Variants in USP47 observed in about 807,000 individuals in gnomAD.
USP47 encodes the protein ubiquitin carboxyl-terminal hydrolase 47.
USP47 carries 35 observed loss-of-function variants against 165.1 expected under a neutral mutation model. That is an observed-to-expected ratio of 0.21 (90% CI 0.16 to 0.28). The LOEUF is 0.28. Among genes scored for constraint, USP47 ranks in the 10% least tolerant of loss-of-function variants. USP47 has a pLI of 1.00. For missense variants in USP47, 1,277 were observed against 1,607.4 expected, an observed-to-expected ratio of 0.79 and a Z score of 3.52; for synonymous variants, 531 against 544.5, an observed-to-expected ratio of 0.98 and a Z score of 0.35.
chr11:11,954,362 C>A (rs546189074), intron 25 of USP47, among the ~76,000 whole-genome samples: 137 of 152,248 alleles, frequency 9.0e-4, no homozygotes, highest in Non-Finnish European at 1.6e-3. Context: ...CTCCGCCTCC[C>A]GGGTTCAAGT....
chr11:11,925,901 T>A (rs1854208188), intron 11 of USP47, among the ~76,000 whole-genome samples: 1 of 152,150 alleles, frequency 6.6e-6, no homozygotes, highest in South Asian at 2.1e-4. Flanking sequence ...TTTCATTATG[T>A]TGAGGTAATT....
chr11:11,952,968 G>A (rs758209113), intron 25 of USP47, 97 bp downstream of exon 25: 20 of 999,094 alleles, frequency 2.0e-5, no homozygotes, highest in East Asian at 6.4e-5. Flanking sequence ...TTCTTCCTGT[G>A]TTGCGTAAGA....
At chr11:11,863,301 T>A (rs1849487408) in intron 1 of USP47, among the ~76,000 whole-genome samples, 1 of 152,178 alleles carries the variant, frequency 6.6e-6, no homozygotes, top group Non-Finnish European at 1.5e-5. Flanking sequence ...AGAAAAGCAA[T>A]TTGATGCTCA....
rs774546327 is a variant in USP47, at chr11:11,933,110, A to C, written c.1758A>C (p.Thr586=). 9 of 1,612,096 alleles carry C rather than the reference A, an allele frequency of 5.6e-6. No homozygotes were observed. The East Asian group carries it at 1.8e-4, about 32-fold the overall frequency. ...GACAACGAGAAATTGAGCGCAATAC[A>C]TGCAAGGTTGAATTCCATCATTTTA... ...EKRQREIERN[T]CKIKLFCLHP... Residue 586 remains threonine, a synonymous_variant, in exon 15 of 28, where the codon ACA becomes ACC. Transcript: ENST00000527733.
At position 11,880,327 on chromosome 11, in the gene USP47, A is replaced by C; in HGVS notation, c.190A>C (p.Ile64Leu). 7.2e-7 allele frequency: 1 copy of C among 1,381,550 alleles called. No individual in the cohort carries two copies. 85.6% of individuals were successfully genotyped at this position (1,381,550 alleles called of 1,614,324 possible). A position where few individuals can be genotyped will look rare whatever the true frequency, so the allele number is the denominator to read the frequency against. ...AGATGTGGCCAACAAAGTAGGCTAC[A>C]TAAATGGAACCTTTGACTTGGTGTG... ...FEDVANKVGY[I>L]NGTFDLVWGN... Residue 64 changes from isoleucine to leucine, a missense_variant, in exon 2 of 28, where the codon ATA becomes CTA. Physicochemically the swap from Ile to Leu is conservative, Grantham distance 5. Around this residue, in one of 4 missense-constraint regions of USP47, gnomAD observed 181 missense variants for 194.7 expected, o/e 0.93. Coordinates refer to ENST00000527733, the MANE Select transcript of USP47 (RefSeq NM_001282659.2).
chr11:11,943,994 G>C (rs535767715), intron 20 of USP47: 1 of 151,778 alleles, frequency 6.6e-6, no homozygotes, highest in East Asian at 1.9e-4. Flanking sequence ...TGATGTGACA[G>C]GTAAGAAAGC....
Position 11,933,123 on chromosome 11 carries a change from T to C in USP47, c.1764+7T>C. 1 of 1,607,114 alleles carries C rather than the reference T, an allele frequency of 6.2e-7. No homozygotes were observed. The highest frequency in any genetic ancestry group is 1.3e-5 in the African/African-American group (1 of 74,714). ...TGAGCGCAATACATGCAAGGTTGAA[T>C]TCCATCATTTTATTTTTAATTGAAA... On this transcript the variant is annotated splice_region_variant and intron_variant, in intron 15 of 27. Coordinates refer to ENST00000527733, the MANE Select transcript of USP47 (RefSeq NM_001282659.2).
rs1250367382 is a variant in USP47 at position 11,961,719 on chromosome 11, C to T, written c.*5544C>T. ...GAAAAAATTCCAGAAACTCTGGGAG[C>T]CCTCCCCTTACATTTCCTGGGTCAT... On this transcript the variant is annotated 3_prime_UTR_variant, in exon 28 of 28. Coordinates refer to ENST00000527733, the MANE Select transcript of USP47 (RefSeq NM_001282659.2). Among the ~76,000 whole-genome samples the T allele has an allele frequency of 6.6e-6, 1 of 152,238 alleles. No homozygotes were observed. Among genetic ancestry groups the T allele is most frequent in the Non-Finnish European group, 1.5e-5 (1 of 68,034 alleles).
chr11:11,855,231 A>G (rs910811833), intron 1 of USP47, among the ~76,000 whole-genome samples: 1 of 152,262 alleles, frequency 6.6e-6, no homozygotes, highest in East Asian at 1.9e-4. Context: ...TCAATTCACT[A>G]GATTAACACA....
chr11:11,876,483 T>C (rs1401865138), intron 1 of USP47, among the ~76,000 whole-genome samples: 1 of 152,226 alleles, frequency 6.6e-6, no homozygotes, highest in African/African-American at 2.4e-5. Context: ...TAAAGTTTAG[T>C]GACTTAATAG....
intron 24 of USP47, 169 bp from the exon 25 acceptor site, chr11:11,952,572 A>T (rs1856292678): frequency 1.8e-6 from 1 of 551,698 alleles, no homozygotes; most frequent in Non-Finnish European, 2.9e-6. Flanking sequence ...GAAGAGAGTA[A>T]ATATTTCATT....
At chr11:11,937,290 T>G (rs1246269735) in intron 17 of USP47, among the ~76,000 whole-genome samples, 1 of 151,976 alleles carries the variant, frequency 6.6e-6, no homozygotes, top group East Asian at 1.9e-4. Flanking sequence ...CTAACTCCTT[T>G]GCATCAGTGG....
At chr11:11,929,340 G>A in intron 11 of USP47, 94 bp from the exon 12 acceptor site, 1 of 1,499,372 alleles carries the variant, frequency 6.7e-7, no homozygotes, top group Non-Finnish European at 8.9e-7. Context: ...AACTTACCAT[G>A]TTACTTCTCT....
At chr11:11,910,887 A>G (rs190112088) in intron 8 of USP47, among the ~76,000 whole-genome samples, 29 of 152,294 alleles carry the variant, frequency 1.9e-4, no homozygotes, top group African/African-American at 6.3e-4. Flanking sequence ...AGTTTGAGTT[A>G]AAAAAGAAAA....
At chr11:11,912,046 C>T (rs1012861762) in intron 8 of USP47, among the ~76,000 whole-genome samples, 3 of 151,186 alleles carry the variant, frequency 2.0e-5, no homozygotes, top group Non-Finnish European at 4.4e-5. Context: ...TAAAACATAA[C>T]GAATTTTTTT....
intron 11 of USP47, among the ~76,000 whole-genome samples, chr11:11,928,130 TA>T (rs1308594700): frequency 1.3e-5 from 2 of 152,036 alleles, no homozygotes; most frequent in African/African-American, 4.8e-5. Flanking sequence ...TTTCTGTGTT[TA>T]TTTTTTTTCT....
intron 16 of USP47, among the ~76,000 whole-genome samples, chr11:11,934,497 C>T (rs1444672354): frequency 2.0e-5 from 3 of 152,024 alleles, no homozygotes; most frequent in African/African-American, 7.2e-5. Flanking sequence ...ATATACTGGT[C>T]CATAGTCAGA....
chr11:11,954,648 T>C (rs10765913), intron 25 of USP47, among the ~76,000 whole-genome samples: 35,910 of 152,122 alleles, frequency 0.24, 5,113 homozygotes, highest in Non-Finnish European at 0.32. Flanking sequence ...GATATTAATC[T>C]GATTTTACAT....
intron 4 of USP47, 131 bp downstream of exon 4, chr11:11,892,237 C>A: frequency 2.1e-6 from 2 of 931,838 alleles, no homozygotes; most frequent in East Asian, 2.7e-5. Flanking sequence ...AGCTAGCAGC[C>A]GCAAAGTTAG....
Sources: gnomAD v4.1 joint callset for allele counts (sites outside exome capture counted in the v4.1 genomes callset) on GRCh38, gnomAD v4.1.1 for gene constraint, gnomAD v4.1.1 regional missense constraint, MANE v1.5 for transcripts, NCBI Gene and HGNC (gene_info 2026-07-23, HGNC 2026-07-21) for gene names.